GIGYF2: variants seen among roughly 807,000 people sequenced by gnomAD.
GIGYF2 encodes the protein GRB10-interacting GYF protein 2.
In GIGYF2, 25 loss-of-function variants were observed where a neutral mutation model predicts 208.1. That is an observed-to-expected ratio of 0.12 (90% CI 0.09 to 0.17). The LOEUF (loss-of-function observed/expected upper bound fraction) is 0.17, where lower values mean the gene tolerates loss of function less well. Among genes scored for constraint, GIGYF2 ranks in the 10% least tolerant of loss-of-function variants. The pLI is 1.00. For synonymous variants in GIGYF2, 534 were observed against 543.8 expected (o/e 0.98, Z 0.25); for missense variants, 1,302 against 1,579.4 (o/e 0.82, Z 2.98).
intron 9 of GIGYF2, 43 bp downstream of exon 9, chr2:232,787,372 G>A (rs757637149): frequency 1.3e-6 from 2 of 1,539,286 alleles, no homozygotes; most frequent in East Asian, 4.5e-5. Flanking sequence ...ACTGAAATAA[G>A]GGAAAGTTTG....
chr2:232,846,316 C>CAAGT (rs2106426860), intron 26 of GIGYF2, among the ~76,000 whole-genome samples: 1 of 152,312 alleles, frequency 6.6e-6, no homozygotes, highest in East Asian at 1.9e-4. Context: ...TGTGATAAAG[C>CAAGT]AAGTACACTT....
chr2:232,760,235 A>G (rs1167990926), intron 6 of GIGYF2: 2 of 389,988 alleles, frequency 5.1e-6, no homozygotes, highest in African/African-American at 2.0e-5. Flanking sequence ...TTTCTTGTTC[A>G]GGACTGGGTC....
intron 8 of GIGYF2, among the ~76,000 whole-genome samples, chr2:232,779,768 A>G (rs145752644): frequency 1.3e-5 from 2 of 152,266 alleles, no homozygotes; most frequent in African/African-American, 2.4e-5. Context: ...CTTGTTAACC[A>G]GCTGAGCAGG....
At chr2:232,759,725 G>A (rs1402192571) in intron 6 of GIGYF2, among the ~76,000 whole-genome samples, 1 of 149,166 alleles carries the variant, frequency 6.7e-6, no homozygotes, top group Non-Finnish European at 1.5e-5. Flanking sequence ...TTGCATTTTT[G>A]TACAACTATT....
intron 2 of GIGYF2, among the ~76,000 whole-genome samples, chr2:232,715,893 C>T (rs1166351979): frequency 6.7e-6 from 1 of 148,706 alleles, no homozygotes; most frequent in East Asian, 2.0e-4. Flanking sequence ...ACTTTTATGA[C>T]ATTTATGTTG....
At chr2:232,851,448 G>A (rs898898639) in intron 28 of GIGYF2, among the ~76,000 whole-genome samples, 1 of 151,614 alleles carries the variant, frequency 6.6e-6, no homozygotes, top group Non-Finnish European at 1.5e-5. Flanking sequence ...TTGAGATGGA[G>A]TCTCACTCTT....
At chr2:232,758,789 C>G (rs1698638430) in intron 6 of GIGYF2, among the ~76,000 whole-genome samples, 1 of 152,168 alleles carries the variant, frequency 6.6e-6, no homozygotes, top group South Asian at 2.1e-4. Context: ...AAGGGCCTTC[C>G]TGAGCAAATG....
chr2:232,771,611 AC>A (rs1399018801), intron 8 of GIGYF2, among the ~76,000 whole-genome samples: 2 of 152,188 alleles, frequency 1.3e-5, no homozygotes, highest in African/African-American at 4.8e-5. Flanking sequence ...GACAGTTAAA[AC>A]ATTGTTTAAC....
At chr2:232,796,282 AG>A in intron 14 of GIGYF2, 61 bp downstream of exon 14, 1 of 1,067,454 alleles carries the variant, frequency 9.4e-7, no homozygotes, top group Non-Finnish European at 1.5e-6. Flanking sequence ...AGAATCTCTA[AG>A]AAGGGATTTG....
chr2:232,730,819 A>G (rs1382280355), intron 2 of GIGYF2, among the ~76,000 whole-genome samples: 1 of 135,910 alleles, frequency 7.4e-6, no homozygotes, highest in Admixed American at 7.9e-5. Flanking sequence ...AATGGCGTGA[A>G]CCCGGGAGGC....
At chr2:232,703,938 C>G (rs1195189155) in intron 2 of GIGYF2, among the ~76,000 whole-genome samples, 5 of 152,200 alleles carry the variant, frequency 3.3e-5, no homozygotes, top group Non-Finnish European at 7.3e-5. Context: ...CTTTAACAAA[C>G]ACAAACTCAT....
chr2:232,730,093 C>A lies in GIGYF2; in HGVS notation c.-43-5062C>A, dbSNP rs1417742621. 10 of 1,247,632 alleles carry A rather than the reference C, an allele frequency of 8.0e-6. No homozygotes were observed. In the South Asian group the frequency reaches 1.2e-4, roughly 15 times the overall value. 77.3% of individuals were successfully genotyped at this position (1,247,632 alleles called of 1,614,324 possible). ...GGGCCAGATGCTGCTTCAAATACTG[C>A]CACATCTGCTTGTGATGGCACATAC... On this transcript the variant is annotated intron_variant, in intron 2 of 28. Transcript: ENST00000373563.
At chr2:232,716,735 G>T (rs1696700738) in intron 2 of GIGYF2, among the ~76,000 whole-genome samples, 1 of 151,994 alleles carries the variant, frequency 6.6e-6, no homozygotes, top group Non-Finnish European at 1.5e-5. Flanking sequence ...AAAAATTTAA[G>T]CAGGGAATGA....
rs1488435357 is a variant in GIGYF2, at chr2:232,735,167, A to G, written c.-31A>G. 5 of 1,517,718 alleles carry G rather than the reference A, an allele frequency of 3.3e-6. No homozygotes were observed. The highest frequency in any genetic ancestry group is 4.6e-6 in the Non-Finnish European group (5 of 1,092,772). The allele number at this position is 1,517,718 out of a possible 1,614,324, so 94.0% of individuals were successfully genotyped here. A position where few individuals can be genotyped will look rare whatever the true frequency, so the allele number is the denominator to read the frequency against. ...TTCTCGTTAACAGGTTTCTTCACAT[A>G]TAAAAATCTATTGTAAAAATACGGA... On this transcript the variant is annotated 5_prime_UTR_variant, in exon 3 of 29. It adds an upstream start codon to the 5' untranslated region. Transcript: ENST00000373563.
Position 232,812,462 on chromosome 2 carries a change from A to G in GIGYF2, c.2078A>G (p.Glu693Gly). 6.6e-7 allele frequency: 1 copy of G among 1,519,080 alleles called. No homozygotes were observed. Among genetic ancestry groups the G allele is most frequent in the Non-Finnish European group, 9.1e-7 (1 of 1,093,736 alleles). 94.1% of individuals were successfully genotyped at this position (1,519,080 alleles called of 1,614,324 possible). The part of the protein sequence containing the change: ...VSVPDTGSIW[E>G]LQPTASQPTV... ...GTGCCAGATACTGGCTCTATCTGGG[A>G]GCTTCAGCCAACAGCTTCACAGCCT... Residue 693 changes from glutamate to glycine, a missense_variant, in exon 18 of 29, where the codon GAG becomes GGG. Transcript: ENST00000373563.
intron 27 of GIGYF2, among the ~76,000 whole-genome samples, chr2:232,849,735 A>G (rs1338671262): frequency 9.9e-5 from 15 of 152,188 alleles, no homozygotes; most frequent in African/African-American, 2.4e-4. Context: ...AGGCAATTTC[A>G]TAGTGTAACC....
chr2:232,767,190 A>G (rs1168396392), intron 8 of GIGYF2: 1 of 152,240 alleles, frequency 6.6e-6, no homozygotes, highest in Non-Finnish European at 1.5e-5. Flanking sequence ...TGAAGTTGGA[A>G]ACAGGAATTT....
chr2:232,784,386 C>CTT (rs10645449), intron 8 of GIGYF2, among the ~76,000 whole-genome samples: 27,931 of 91,064 alleles, frequency 0.31, 6,294 homozygotes, highest in South Asian at 0.64. Context: ...GAAATAATTT[C>CTT]TTTTTTTTTT....
At chr2:232,782,343 G>T (rs988735066) in intron 8 of GIGYF2, among the ~76,000 whole-genome samples, 1 of 152,090 alleles carries the variant, frequency 6.6e-6, no homozygotes, top group Non-Finnish European at 1.5e-5. Context: ...GATTACAGGC[G>T]TGAGCCACCA....
Sources: allele counts gnomAD v4.1 joint callset (sites outside exome capture counted in the v4.1 genomes callset), GRCh38; gene constraint gnomAD v4.1.1; transcripts MANE v1.5; gene names NCBI Gene and HGNC (gene_info 2026-07-23, HGNC 2026-07-21).